The following SKI variants were observed in gnomAD, a reference collection of about 807,000 sequenced individuals.
SKI encodes the protein ski oncogene.
A neutral mutation model predicts 59.3 loss-of-function variants in SKI; 23 were observed. That is an observed-to-expected ratio of 0.39 (90% confidence interval 0.28 to 0.55). The LOEUF is 0.55. Ranked by LOEUF, SKI falls within the 20% of genes least tolerant of loss-of-function variation. The probability of loss-of-function intolerance (pLI) is 0.67; values close to 1 mark genes in which losing one functional copy is unlikely to be tolerated. For missense variants in SKI, 1,017 were observed against 1,038.9 expected, an observed-to-expected ratio of 0.98 and a Z score of 0.29; for synonymous variants, 673 against 488.6, an observed-to-expected ratio of 1.38 and a Z score of -4.98.
intron 1 of SKI, chr1:2,232,779 C>T (rs753726625): frequency 6.6e-6 from 1 of 152,354 alleles, no homozygotes; most frequent in Non-Finnish European, 1.5e-5. Context: ...GTTGCTTAAC[C>T]TCTCTGCCTC....
intron 1 of SKI, among the ~76,000 whole-genome samples, chr1:2,243,586 A>T (rs369070235): frequency 2.6e-5 from 4 of 152,308 alleles, no homozygotes; most frequent in East Asian, 3.9e-4. Context: ...GCTGTGGTGC[A>T]CCATGTGGGC....
At chr1:2,252,709 A>C (rs1639190320) in intron 1 of SKI, among the ~76,000 whole-genome samples, 1 of 152,104 alleles carries the variant, frequency 6.6e-6, no homozygotes, top group African/African-American at 2.4e-5. Context: ...TTCCTCCCTC[A>C]GGGCCAGCAC....
intron 1 of SKI, among the ~76,000 whole-genome samples, chr1:2,257,136 T>C (rs769308440): frequency 6.6e-6 from 1 of 152,274 alleles, no homozygotes; most frequent in Non-Finnish European, 1.5e-5. Flanking sequence ...TATCTCTTTG[T>C]AAAAGCTCCC....
intron 1 of SKI, among the ~76,000 whole-genome samples, chr1:2,265,195 G>A (rs1639475636): frequency 6.6e-6 from 1 of 152,212 alleles, no homozygotes; most frequent in Admixed American, 6.5e-5. Flanking sequence ...TGTGTTTGGA[G>A]TACGTTGTGT....
At chr1:2,301,576 C>T (rs762419229) in intron 1 of SKI, among the ~76,000 whole-genome samples, 15 of 151,664 alleles carry the variant, frequency 9.9e-5, no homozygotes, top group Middle Eastern at 3.2e-3. Context: ...CCCTCCATCC[C>T]CATAATTGGA....
Position 2,267,095 on chromosome 1 carries a change from G to A in SKI, c.970-35883G>A, listed in dbSNP as rs1037367493. ...TCGTTTTGTTAACATCTTCATCACC[G>A]CCTTTTCAGTTTCAGCGGGAATTGA... On this transcript the variant is annotated intron_variant, in intron 1 of 6. Coordinates refer to ENST00000378536, the MANE Select transcript of SKI (RefSeq NM_003036.4). This position sits in a 1 kb window ranked among gnomAD's most constrained non-coding sequence, Gnocchi z 4.1. Among the ~76,000 whole-genome samples the A allele has an allele frequency of 3.9e-5, 6 of 152,116 alleles. No homozygotes were observed. Among genetic ancestry groups the A allele is most frequent in the African/African-American group, 1.2e-4 (5 of 41,412 alleles).
chr1:2,282,890 A>G (rs1168369536), intron 1 of SKI, among the ~76,000 whole-genome samples: 1 of 152,172 alleles, frequency 6.6e-6, no homozygotes, highest in Admixed American at 6.5e-5. Context: ...CAGTGACCTC[A>G]GTGAGCTCCT....
intron 1 of SKI, among the ~76,000 whole-genome samples, chr1:2,234,486 C>T (rs1352949002): frequency 6.6e-6 from 1 of 152,182 alleles, no homozygotes; most frequent in African/African-American, 2.4e-5. Flanking sequence ...TGAGGGCAGA[C>T]AGGATATGGT....
At position 2,306,885 on chromosome 1, in the gene SKI, T is replaced by A; in HGVS notation, c.*120T>A. 1 of 659,486 alleles carries A rather than the reference T, an allele frequency of 1.5e-6. No individual in the cohort carries two copies. Among genetic ancestry groups the A allele is most frequent in the Non-Finnish European group, 2.1e-6 (1 of 466,698 alleles). The allele number at this position is 659,486 out of a possible 1,614,324, so 40.9% of individuals were successfully genotyped here. A position where few individuals can be genotyped will look rare whatever the true frequency, so the allele number is the denominator to read the frequency against. The stretch of plus-strand genomic sequence containing the variant: ...ACACAGCACAACGTCTTACCGTGCC[T>A]ATTACCAAGCGAGTGTTTGTAACCA... On this transcript the variant is annotated 3_prime_UTR_variant, in exon 7 of 7. Coordinates refer to ENST00000378536, the MANE Select transcript of SKI (RefSeq NM_003036.4).
intron 1 of SKI, among the ~76,000 whole-genome samples, chr1:2,235,097 C>T (rs2100799905): frequency 1.3e-5 from 2 of 150,338 alleles, no homozygotes; most frequent in Middle Eastern, 3.5e-3. Context: ...GGCTGGAGTG[C>T]AGTGGTGCGA....
intron 1 of SKI, among the ~76,000 whole-genome samples, chr1:2,239,422 G>T (rs1194344814): frequency 6.6e-6 from 1 of 152,200 alleles, no homozygotes; most frequent in Non-Finnish European, 1.5e-5. Flanking sequence ...TGTCTTCCTT[G>T]TCACTGGCTG....
chr1:2,257,022 C>A (rs144583955), intron 1 of SKI, among the ~76,000 whole-genome samples: 2 of 152,340 alleles, frequency 1.3e-5, no homozygotes, highest in African/African-American at 4.8e-5. Flanking sequence ...CCTGCTGTTC[C>A]CTTGTGGCTC....
In SKI at chr1:2,229,792, C is replaced by G; in HGVS notation, c.969+57C>G. On this transcript the variant is annotated intron_variant, in intron 1 of 6. Transcript: ENST00000378536. The surrounding 1 kb of genome is among the most constrained non-coding windows in gnomAD (Gnocchi z 6.3). ...GATGCGCTTGGGGTGGGGGCCCCTT[C>G]TGGACTACAGGCTCTGGTCTCCGAA... 10 of 1,549,278 alleles carry G rather than the reference C, an allele frequency of 6.5e-6. No individual in the cohort carries two copies. The highest frequency in any genetic ancestry group is 2.0e-5 in the Admixed American group (1 of 51,018).
At position 2,303,059 on chromosome 1, in the gene SKI, A is replaced by AAGCC. The variant is rs1412616519; in HGVS notation, c.1052_1055dup (p.Ser353AlafsTer14). The AAGCC allele has an allele frequency of 6.2e-7, 1 of 1,613,554 alleles. No homozygotes were observed. The highest frequency in any genetic ancestry group is 1.3e-5 in the African/African-American group (1 of 74,938). ...GTCCCCCGCGCCTTCCGAAAAGGACAAGCCGTCCAGCTGGCTGCGGACCTT... is the reference window on the plus strand; with the variant it reads ...GTCCCCCGCGCCTTCCGAAAAGGACAAGCCAGCCGTCCAGCTGGCTGCGGACCTT... On this transcript the variant is annotated frameshift_variant, in exon 2 of 7. Transcript: ENST00000378536. LOFTEE classifies it high-confidence loss of function. This position sits in a 1 kb window ranked among gnomAD's most constrained non-coding sequence, Gnocchi z 5.6.
chr1:2,231,470 A>C (rs1205280718), intron 1 of SKI, among the ~76,000 whole-genome samples: 1 of 152,094 alleles, frequency 6.6e-6, no homozygotes, highest in East Asian at 1.9e-4. Flanking sequence ...CACAGCTGAC[A>C]CAGAGCAGGG....
intron 1 of SKI, among the ~76,000 whole-genome samples, chr1:2,250,786 C>T (rs1490979341): frequency 2.6e-5 from 4 of 152,280 alleles, no homozygotes; most frequent in Non-Finnish European, 5.9e-5. Context: ...TGGGACCTGC[C>T]TGGCGGCTCA....
intron 1 of SKI, among the ~76,000 whole-genome samples, chr1:2,301,440 G>A (rs1640424275): frequency 6.6e-6 from 1 of 151,256 alleles, no homozygotes; most frequent in African/African-American, 2.4e-5. Flanking sequence ...TTTCTCCCTT[G>A]GGCCCAGGTC....
chr1:2,274,953 C>T (rs1009945776), intron 1 of SKI, among the ~76,000 whole-genome samples: 2 of 152,182 alleles, frequency 1.3e-5, no homozygotes, highest in African/African-American at 2.4e-5. Context: ...CTTCGCTGTC[C>T]CTTGCTGTCT....
chr1:2,287,400 G>A (rs1200833235), intron 1 of SKI, among the ~76,000 whole-genome samples: 4 of 150,058 alleles, frequency 2.7e-5, no homozygotes, highest in Non-Finnish European at 5.9e-5. Flanking sequence ...GCAGTGGCGC[G>A]ATCTCGGCTC....
Sources: allele counts gnomAD v4.1 joint callset (sites outside exome capture counted in the v4.1 genomes callset), GRCh38; gene constraint gnomAD v4.1.1; non-coding constraint Gnocchi (gnomAD v3.1); transcripts MANE v1.5; gene names NCBI Gene and HGNC (gene_info 2026-07-23, HGNC 2026-07-21).